FARS2: variants seen among roughly 807,000 people sequenced by gnomAD.
FARS2 encodes the protein phenylalanyl-tRNA synthetase 2, mitochondrial.
Under a neutral mutation model 46.4 loss-of-function variants are expected in FARS2, and 40 were observed. The observed-to-expected ratio is 0.86, with a 90% CI of 0.67 to 1.12. The LOEUF is 1.12. FARS2 is among the 50% of genes most tolerant of loss of function. FARS2 has a pLI of 0.00. For synonymous variants in FARS2, 234 were observed against 214.9 expected (o/e 1.09, Z -0.78); for missense variants, 513 against 567.9 (o/e 0.90, Z 0.98).
At chr6:5,326,139 C>A (rs919615562) in intron 1 of FARS2, among the ~76,000 whole-genome samples, 4 of 152,166 alleles carry the variant, frequency 2.6e-5, no homozygotes, top group African/African-American at 4.8e-5. Flanking sequence ...AATGGACAAA[C>A]CCCAAAGGAG....
At chr6:5,344,276 T>A (rs890609210) in intron 1 of FARS2, among the ~76,000 whole-genome samples, 5 of 152,126 alleles carry the variant, frequency 3.3e-5, no homozygotes, top group South Asian at 2.1e-4. Flanking sequence ...GAGGAATAGG[T>A]TCCTGGAGAC....
chr6:5,605,550 C>T (rs1774784541), intron 5 of FARS2, among the ~76,000 whole-genome samples: 1 of 152,168 alleles, frequency 6.6e-6, no homozygotes, highest in Non-Finnish European at 1.5e-5. Flanking sequence ...GGGGTTCGAG[C>T]AGAGGAACCA....
At chr6:5,509,742 G>C (rs1368858078) in intron 4 of FARS2, among the ~76,000 whole-genome samples, 1 of 152,200 alleles carries the variant, frequency 6.6e-6, no homozygotes, top group Admixed American at 6.5e-5. Context: ...CAGAAAGTGG[G>C]TGGTTTCTTT....
At chr6:5,620,264 G>C (rs927974130) in intron 6 of FARS2, among the ~76,000 whole-genome samples, 2 of 152,008 alleles carry the variant, frequency 1.3e-5, no homozygotes, top group African/African-American at 4.8e-5. Context: ...GTGCCCCCTT[G>C]GTAGGCAAAA....
chr6:5,435,554 T>C (rs1763473042), intron 4 of FARS2, among the ~76,000 whole-genome samples: 1 of 152,256 alleles, frequency 6.6e-6, no homozygotes, highest in Non-Finnish European at 1.5e-5. Context: ...GTGATTGTGA[T>C]GTGAGTGGTG....
rs551753245 is a variant in FARS2 at position 5,339,799 on chromosome 6, A to C, written c.-21-28751A>C. ...GCTCACAGCAACTTATAAAGCATAA[A>C]TGAAGAAGTACATTAATCTCTGTTG... On this transcript the variant is annotated intron_variant, in intron 1 of 6. Coordinates refer to ENST00000274680, the MANE Select transcript of FARS2 (RefSeq NM_006567.5). 1.8e-4 allele frequency among the ~76,000 whole-genome samples: 27 copies of C among 152,288 alleles called. No homozygotes were observed. In the South Asian group the frequency reaches 3.3e-3, roughly 19 times the overall value.
At chr6:5,289,113 A>G (rs1372606163) in intron 1 of FARS2, among the ~76,000 whole-genome samples, 1 of 152,204 alleles carries the variant, frequency 6.6e-6, no homozygotes, top group Non-Finnish European at 1.5e-5. Flanking sequence ...ATGGAAGAAA[A>G]TGTTAATAAA....
Position 5,404,639 on chromosome 6 carries a change from A to G in FARS2, c.710A>G (p.Lys237Arg). The G allele has an allele frequency of 6.2e-7, 1 of 1,612,238 alleles. No individual in the cohort carries two copies. Among genetic ancestry groups the G allele is most frequent in the Non-Finnish European group, 8.5e-7 (1 of 1,178,954 alleles). The change falls in exon 3 of 7, where the codon AAG becomes AGG. Residue 237 changes from lysine to arginine, a missense_variant. Transcript: ENST00000274680. ...KQETHTMEAVKLVEFDLKQTL... is the reference protein window; with the variant it reads ...KQETHTMEAVRLVEFDLKQTL... Reference sequence around the variant, plus strand: ...GAGACACACACCATGGAGGCCGTGAAGCTTGTAGAGTTTGATCTTAAGCAA... The same window carrying G: ...GAGACACACACCATGGAGGCCGTGAGGCTTGTAGAGTTTGATCTTAAGCAA...
Position 5,341,257 on chromosome 6 carries a change from T to TTTTTTC in FARS2, c.-21-27293_-21-27292insTTTTTC, listed in dbSNP as rs552538194. ...TATATTTTTTTTTTTTTTTTTTTTT[T>TTTTTTC]CCCTGTGAGAGCAGTTGTTTTGAGA... On this transcript the variant is annotated intron_variant, in intron 1 of 6. Transcript: ENST00000274680. Among the ~76,000 whole-genome samples, 25 of 56,688 alleles carry TTTTTTC rather than the reference T, an allele frequency of 4.4e-4. 3 individuals are homozygous for TTTTTTC. The highest frequency in any genetic ancestry group is 1.1e-3 in the African/African-American group (14 of 13,172). 37.2% of individuals were successfully genotyped at this position (56,688 alleles called of 152,430 possible).
chr6:5,532,038 G>A (rs561189170), intron 4 of FARS2, among the ~76,000 whole-genome samples: 183 of 152,318 alleles, frequency 1.2e-3, no homozygotes, highest in African/African-American at 3.1e-3. Flanking sequence ...CAAATCTAGC[G>A]TGAAAGTCAT....
chr6:5,667,382 G>A (rs190269316), intron 6 of FARS2, among the ~76,000 whole-genome samples: 6 of 152,066 alleles, frequency 3.9e-5, no homozygotes, highest in South Asian at 4.2e-4. Context: ...GCCTGGTGTG[G>A]TGGTGCATGC....
chr6:5,538,648 GA>G (rs1475606713), intron 4 of FARS2, among the ~76,000 whole-genome samples: 1 of 152,146 alleles, frequency 6.6e-6, no homozygotes, highest in Non-Finnish European at 1.5e-5. Flanking sequence ...GCCTCCTACA[GA>G]AAACTATATG....
the FARS2 span, among the ~76,000 whole-genome samples, chr6:5,250,176 T>C: frequency 2.0e-5 from 3 of 152,064 alleles, no homozygotes; most frequent in South Asian, 4.1e-4. Context: ...CATTATTTTT[T>C]AATTATAACA....
At chr6:5,673,846 CATATAA>C (rs1219604103) in intron 6 of FARS2, among the ~76,000 whole-genome samples, 1 of 152,076 alleles carries the variant, frequency 6.6e-6, no homozygotes, top group Non-Finnish European at 1.5e-5. Flanking sequence ...TATGAATATA[CATATAA>C]ATATATATAA....
At chr6:5,539,520 C>T (rs1167128593) in intron 4 of FARS2, among the ~76,000 whole-genome samples, 1 of 151,622 alleles carries the variant, frequency 6.6e-6, no homozygotes, top group East Asian at 1.9e-4. Context: ...GTGTGAGCTA[C>T]CGCACTCGGC....
chr6:5,356,764 G>A (rs555000530), intron 1 of FARS2, among the ~76,000 whole-genome samples: 1 of 152,158 alleles, frequency 6.6e-6, no homozygotes, highest in South Asian at 2.1e-4. Flanking sequence ...TCGGAGCAGC[G>A]CTTCACTGTT....
intron 6 of FARS2, among the ~76,000 whole-genome samples, chr6:5,636,090 T>C (rs1020334625): frequency 2.0e-5 from 3 of 152,096 alleles, no homozygotes; most frequent in African/African-American, 7.2e-5. Context: ...AGAAGTGTAA[T>C]AGGGTTTTGT....
At chr6:5,553,096 C>T (rs1159773740) in intron 5 of FARS2, among the ~76,000 whole-genome samples, 1 of 152,186 alleles carries the variant, frequency 6.6e-6, no homozygotes, top group Admixed American at 6.5e-5. Flanking sequence ...TCCATGGTGG[C>T]TTACAAGGTC....
chr6:5,382,251 C>T (rs1182460841), intron 2 of FARS2, among the ~76,000 whole-genome samples: 1 of 152,206 alleles, frequency 6.6e-6, no homozygotes, highest in Non-Finnish European at 1.5e-5. Context: ...GGTTAACCTT[C>T]TCCAGGGTGA....
Sources: gnomAD v4.1 joint callset for allele counts (sites outside exome capture counted in the v4.1 genomes callset) on GRCh38, gnomAD v4.1.1 for gene constraint, MANE v1.5 for transcripts, NCBI Gene and HGNC (gene_info 2026-07-23, HGNC 2026-07-21) for gene names.